DUSP6: variants seen among roughly 807,000 people sequenced by gnomAD.
DUSP6 encodes dual specificity phosphatase 6.
DUSP6 carries 6 observed loss-of-function variants against 28.0 expected under a neutral mutation model. The observed-to-expected ratio is 0.21, with a 90% CI of 0.12 to 0.42. The LOEUF (loss-of-function observed/expected upper bound fraction) is 0.42, where lower values mean the gene tolerates loss of function less well. Among genes scored for constraint, DUSP6 ranks in the 10% least tolerant of loss-of-function variants. The pLI, the probability that DUSP6 is intolerant of heterozygous loss-of-function variation, is 1.00. For missense variants in DUSP6, 451 were observed against 498.1 expected (o/e 0.91, Z 0.90); for synonymous variants, 252 against 217.5 (o/e 1.16, Z -1.40).
At position 89,349,072 on chromosome 12, in the gene DUSP6, G is replaced by T. The variant is rs1879087645; in HGVS notation, c.*182C>A. On this transcript the variant is annotated 3_prime_UTR_variant, in exon 3 of 3. Transcript: ENST00000279488. Reference sequence around the variant, plus strand: ...ACAGCATGTCCTGTTATTCCAAAGAGAATGGAGCAAATCTCTCTGTTAGTA... The same window carrying T: ...ACAGCATGTCCTGTTATTCCAAAGATAATGGAGCAAATCTCTCTGTTAGTA... 1.6e-6 allele frequency: 1 copy of T among 643,158 alleles called. No homozygotes were observed. Among genetic ancestry groups the T allele is most frequent in the South Asian group, 2.0e-5 (1 of 49,534 alleles). The allele number at this position is 643,158 out of a possible 1,614,324, so 39.8% of individuals were successfully genotyped here. A position where few individuals can be genotyped will look rare whatever the true frequency, so the allele number is the denominator to read the frequency against.
chr12:89,350,488 CA>C, intron 2 of DUSP6, 99 bp downstream of exon 2: 3 of 1,241,924 alleles, frequency 2.4e-6, no homozygotes, highest in South Asian at 2.8e-5. Flanking sequence ...TGCAGTCAGA[CA>C]AATTAGCAAG....
Position 89,352,404 on chromosome 12 carries a change from A to C in DUSP6, c.-365T>G. On this transcript the variant is annotated 5_prime_UTR_variant, in exon 1 of 3. Transcript: ENST00000279488. ...CCCTCCAAGGCTGCACCTCAAATCT[A>C]CCCGGGCGTCTTTCTCCCCGGATTA... 4.5e-6 allele frequency: 1 copy of C among 222,164 alleles called. No homozygotes were observed. Among genetic ancestry groups the C allele is most frequent in the Non-Finnish European group, 9.1e-6 (1 of 110,304 alleles). The allele number at this position is 222,164 out of a possible 1,614,324, so 13.8% of individuals were successfully genotyped here. A position where few individuals can be genotyped will look rare whatever the true frequency, so the allele number is the denominator to read the frequency against.
At position 89,349,389 on chromosome 12, in the gene DUSP6, C is replaced by G; in HGVS notation, c.1011G>C (p.Met337Ile). The G allele has an allele frequency of 6.2e-7, 1 of 1,614,166 alleles. No individual in the cohort carries two copies. Among genetic ancestry groups the G allele is most frequent in the Admixed American group, 1.7e-5 (1 of 60,016 alleles). ...TCCTCTCGAAGTCCAGCAGCTGACC[C>G]ATGAAGTTGAAGTTAGGGGATATGT... ...KSNISPNFNF[M>I]GQLLDFERTL... Residue 337 changes from methionine (M) to isoleucine (I), a missense_variant, in exon 3 of 3, where the codon ATG (methionine) becomes ATC (isoleucine). Transcript: ENST00000279488.
Position 89,352,240 on chromosome 12 carries a change from T to G in DUSP6, c.-201A>C. ...TCTCTCTGCACCCAGCTGCAGCCGC[T>G]GGCTCTTAGTGTCAATGAATCTCTC... On this transcript the variant is annotated 5_prime_UTR_variant, in exon 1 of 3. Transcript: ENST00000279488. 1.4e-6 allele frequency: 1 copy of G among 693,580 alleles called. No individual in the cohort carries two copies. The highest frequency in any genetic ancestry group is 2.7e-5 in the East Asian group (1 of 36,420). 43.0% of individuals were successfully genotyped at this position (693,580 alleles called of 1,614,324 possible).
rs1565874770 is a variant in DUSP6 at position 89,350,664 on chromosome 12, T to C, written c.762A>G (p.Lys254=). 6.2e-7 allele frequency: 1 copy of C among 1,614,166 alleles called. No homozygotes were observed. Among genetic ancestry groups the C allele is most frequent in the Non-Finnish European group, 8.5e-7 (1 of 1,180,018 alleles). ...GATCCGAGATGGGGATTTGCTTGTA[T>C]TTAAACTCTCCTGCGTTCTCAAAGA... ...PNLFENAGEF[K]YKQIPISDHW... is the part of the protein sequence containing the mutation. Residue 254 remains lysine, a synonymous_variant, in exon 2 of 3, where the codon AAA becomes AAG. Coordinates refer to ENST00000279488, the MANE Select transcript of DUSP6 (RefSeq NM_001946.4).
At position 89,352,114 on chromosome 12, in the gene DUSP6, G is replaced by T; in HGVS notation, c.-75C>A. 2 of 1,528,998 alleles carry T rather than the reference G, an allele frequency of 1.3e-6. No homozygotes were observed. The highest frequency in any genetic ancestry group is 1.8e-6 in the Non-Finnish European group (2 of 1,137,566). The allele number at this position is 1,528,998 out of a possible 1,614,324, so 94.7% of individuals were successfully genotyped here. ...GGCAGGCATAGGCCGAGCGCACCGCGCGCGAAGCTGCCGCTCTCGGAGCGG... is the reference window on the plus strand; with the variant it reads ...GGCAGGCATAGGCCGAGCGCACCGCTCGCGAAGCTGCCGCTCTCGGAGCGG... On this transcript the variant is annotated 5_prime_UTR_variant, in exon 1 of 3. Transcript: ENST00000279488.
At chr12:89,350,510 G>T in intron 2 of DUSP6, 78 bp downstream of exon 2, 2 of 1,401,354 alleles carry the variant, frequency 1.4e-6, no homozygotes, top group South Asian at 1.3e-5. Context: ...CAGCAAGAAC[G>T]ATTAACAGCT....
chr12:89,349,704 A>T, intron 2 of DUSP6, 143 bp from the exon 3 acceptor site: 1 of 615,234 alleles, frequency 1.6e-6, no homozygotes, highest in Non-Finnish European at 2.8e-6. Flanking sequence ...CAGAAAATGT[A>T]TCACTGAAAT....
rs1468080398 is a variant in DUSP6, at chr12:89,351,765, G to T, written c.275C>A (p.Thr92Asn). Reference protein sequence around the residue: ...DRDRFTRRCGTDTVVLYDESS... With the variant: ...DRDRFTRRCGNDTVVLYDESS... ...CTCGTCGTAGAGCACCACTGTGTCG[G>T]TGCCACAGCGCCGGGTGAAGCGGTC... The change falls in exon 1 of 3, where the codon ACC becomes AAC. Residue 92 changes from threonine (T) to asparagine (N), a missense_variant. Thr to Asn is a moderately conservative substitution (Grantham distance 65). Around this residue, in one of 2 missense-constraint regions of DUSP6, gnomAD observed 347 missense variants for 346.6 expected, o/e 1.00. Coordinates refer to ENST00000279488, the MANE Select transcript of DUSP6 (RefSeq NM_001946.4). 6.2e-7 allele frequency: 1 copy of T among 1,608,758 alleles called. No homozygotes were observed. The highest frequency in any genetic ancestry group is 2.2e-5 in the East Asian group (1 of 44,714).
Position 89,349,515 on chromosome 12 carries a change from A to T in DUSP6, c.885T>A (p.Ala295=), listed in dbSNP as rs765635124. The change falls in exon 3 of 3, where the codon GCT becomes GCA. Residue 295 remains alanine (A), a synonymous_variant. Coordinates refer to ENST00000279488, the MANE Select transcript of DUSP6 (RefSeq NM_001946.4). ...KNCGVLVHCL[A]GISRSVTVTV... ...TCACAGTGACTGAGCGGCTAATGCC[A>T]GCCAAGCAATGTACCAAGACACCAC... 10 of 1,614,036 alleles carry T rather than the reference A, an allele frequency of 6.2e-6. No homozygotes were observed. Among genetic ancestry groups the T allele is most frequent in the Non-Finnish European group, 8.5e-6 (10 of 1,179,966 alleles).
Position 89,349,489 on chromosome 12 carries a change from G to A in DUSP6, c.911C>T (p.Thr304Ile). 1 of 1,614,148 alleles carries A rather than the reference G, an allele frequency of 6.2e-7. No individual in the cohort carries two copies. The highest frequency in any genetic ancestry group is 8.5e-7 in the Non-Finnish European group (1 of 1,180,004). The change falls in exon 3 of 3, where the codon ACT becomes ATT. Residue 304 changes from threonine to isoleucine, a missense_variant. By Grantham distance (89) the Thr-to-Ile change is moderately conservative (BLOSUM62 -1). Coordinates refer to ENST00000279488, the MANE Select transcript of DUSP6 (RefSeq NM_001946.4). ...LAGISRSVTV[T>I]VAYLMQKLNL... ...GAGCTTCTGCATAAGGTAAGCCACA[G>A]TCACAGTGACTGAGCGGCTAATGCC...
Position 89,350,876 on chromosome 12 carries a change from G to T in DUSP6, c.550C>A (p.Leu184Ile). 7.4e-6 allele frequency: 12 copies of T among 1,614,012 alleles called. No individual in the cohort carries two copies. Among genetic ancestry groups the T allele is most frequent in the Non-Finnish European group, 1.0e-5 (12 of 1,179,950 alleles). Residue 184 changes from leucine to isoleucine, a missense_variant, in exon 2 of 3, where the codon CTT (leucine) becomes ATT (isoleucine). Leu to Ile is a conservative substitution (Grantham distance 5, BLOSUM62 2). Transcript: ENST00000279488. ...GTTGCACTATTGGGGTCTCGGTCAAGGTCAGACTCGATGTCCGAGGAAGAG... is the reference window on the plus strand; with the variant it reads ...GTTGCACTATTGGGGTCTCGGTCAATGTCAGACTCGATGTCCGAGGAAGAG... Reference protein sequence around the residue: ...SDSSSDIESDLDRDPNSATDS... With the variant: ...SDSSSDIESDIDRDPNSATDS...
Position 89,350,821 on chromosome 12 carries a change from C to A in DUSP6, c.605G>T (p.Ser202Ile). 1.9e-6 allele frequency: 3 copies of A among 1,614,112 alleles called. No individual in the cohort carries two copies. The highest frequency in any genetic ancestry group is 2.5e-6 in the Non-Finnish European group (3 of 1,180,026). ...GATCTCCACTGGGAAGGAAGGCTGGCTGTTGGACAGCGGACTACCATCCGA... is the reference window on the plus strand; with the variant it reads ...GATCTCCACTGGGAAGGAAGGCTGGATGTTGGACAGCGGACTACCATCCGA... ...TDSDGSPLSN[S>I]QPSFPVEILP... The change falls in exon 2 of 3, where the codon AGC becomes ATC. Residue 202 changes from serine (S) to isoleucine (I), a missense_variant. Transcript: ENST00000279488.
rs1361503049 is a variant in DUSP6 at position 89,350,727 on chromosome 12, G to A, written c.699C>T (p.Ile233=). 1 of 1,614,174 alleles carries A rather than the reference G, an allele frequency of 6.2e-7. No individual in the cohort carries two copies. The highest frequency in any genetic ancestry group is 1.1e-5 in the South Asian group (1 of 91,082). ...TGGGGGTGACGTTCAAGATGTACTT[G>A]ATGCCGAATTCCTCCAACACGTCCA... ...TNLDVLEEFG[I]KYILNVTPNL... The change falls in exon 2 of 3, where the codon ATC becomes ATT. Residue 233 remains isoleucine (I), a synonymous_variant. Transcript: ENST00000279488.
rs778684685 is a variant in DUSP6 at position 89,352,020 on chromosome 12, G to A, written c.20C>T (p.Pro7Leu). The change falls in exon 1 of 3, where the codon CCC (proline) becomes CTC (leucine). Residue 7 changes from proline to leucine, a missense_variant. By Grantham distance (98) the Pro-to-Leu change is moderately conservative. This residue lies in a region of DUSP6 where 347 missense variants were observed against 346.6 expected (regional missense o/e 1.00). Transcript: ENST00000279488. ...CGCCATTTCCGACGCGAAGGGCACGGGTCTGAGCGTATCTATCATGGGGGT... is the reference window on the plus strand; with the variant it reads ...CGCCATTTCCGACGCGAAGGGCACGAGTCTGAGCGTATCTATCATGGGGGT... MIDTLR[P>L]VPFASEMAIS... The A allele has an allele frequency of 1.6e-5, 26 of 1,612,494 alleles. 2 individuals carry two copies. The South Asian group carries it at 2.4e-4, about 15-fold the overall frequency.
chr12:89,348,323 T>C lies in DUSP6; in HGVS notation c.*931A>G, dbSNP rs1006396621. On this transcript the variant is annotated 3_prime_UTR_variant, in exon 3 of 3. Coordinates refer to ENST00000279488, the MANE Select transcript of DUSP6 (RefSeq NM_001946.4). ...CCTGAAGAATTTTATACAGAGGTAA[T>C]ATACTGTTTAGCACAGCTGAAGGTT... is the stretch of plus-strand genomic sequence containing the variant. The C allele has an allele frequency of 6.6e-6, 1 of 152,666 alleles. No individual in the cohort carries two copies. Among genetic ancestry groups the C allele is most frequent in the South Asian group, 2.1e-4 (1 of 4,832 alleles). The allele number at this position is 152,666 out of a possible 1,614,324, so 9.5% of individuals were successfully genotyped here.
rs1325703916 is a variant in DUSP6 at position 89,349,409 on chromosome 12, A to T, written c.991T>A (p.Ser331Thr). ...DIVKMKKSNI[S>T]PNFNFMGQLL... ...TGACCCATGAAGTTGAAGTTAGGGG[A>T]TATGTTGGATTTTTTCATTTTGACA... Residue 331 changes from serine (S) to threonine (T), a missense_variant, in exon 3 of 3, where the codon TCC becomes ACC. Physicochemically the swap from Ser to Thr is moderately conservative, Grantham distance 58. Around this residue, in one of 2 missense-constraint regions of DUSP6, gnomAD observed 104 missense variants for 151.4 expected, o/e 0.69. Coordinates refer to ENST00000279488, the MANE Select transcript of DUSP6 (RefSeq NM_001946.4). The T allele has an allele frequency of 6.2e-7, 1 of 1,614,032 alleles. No individual in the cohort carries two copies. The highest frequency in any genetic ancestry group is 2.2e-5 in the East Asian group (1 of 44,880).
rs1325873468 is a variant in DUSP6 at position 89,348,450 on chromosome 12, A to G, written c.*804T>C. 1 of 151,634 alleles carries G rather than the reference A, an allele frequency of 6.6e-6. No homozygotes were observed. Among genetic ancestry groups the G allele is most frequent in the Non-Finnish European group, 1.5e-5 (1 of 67,714 alleles). 9.4% of individuals were successfully genotyped at this position (151,634 alleles called of 1,614,324 possible). A position where few individuals can be genotyped will look rare whatever the true frequency, so the allele number is the denominator to read the frequency against. ...GCAAAAATATTTACAAAGGTAAGGC[A>G]TAGTCAAACTACATAAAGAGAAAAA... is the stretch of plus-strand genomic sequence containing the variant. On this transcript the variant is annotated 3_prime_UTR_variant, in exon 3 of 3. Transcript: ENST00000279488.
chr12:89,349,143 G>A lies in DUSP6; in HGVS notation c.*111C>T, dbSNP rs1331898215. 17 of 1,169,578 alleles carry A rather than the reference G, an allele frequency of 1.5e-5. No homozygotes were observed. Among genetic ancestry groups the A allele is most frequent in the Non-Finnish European group, 1.7e-5 (14 of 829,148 alleles). The allele number at this position is 1,169,578 out of a possible 1,614,324, so 72.5% of individuals were successfully genotyped here. ...TAACCTTGTCTAGTACAGACAGCTGGTGTCATTTTGACACCTGGGGCCACA... is the reference window on the plus strand; with the variant it reads ...TAACCTTGTCTAGTACAGACAGCTGATGTCATTTTGACACCTGGGGCCACA... On this transcript the variant is annotated 3_prime_UTR_variant, in exon 3 of 3. Coordinates refer to ENST00000279488, the MANE Select transcript of DUSP6 (RefSeq NM_001946.4).
Sources: gnomAD v4.1 joint callset for allele counts on GRCh38, gnomAD v4.1.1 for gene constraint, gnomAD v4.1.1 regional missense constraint, MANE v1.5 for transcripts, NCBI Gene and HGNC (gene_info 2026-07-23, HGNC 2026-07-21) for gene names.